The following FBXW11 variants were observed in gnomAD, a reference collection of about 807,000 sequenced individuals.
FBXW11 encodes the protein F-box/WD repeat-containing protein 11.
In FBXW11, 19 loss-of-function variants were observed where a neutral mutation model predicts 77.6. That is an observed-to-expected ratio of 0.24 (90% CI 0.17 to 0.36). The LOEUF is 0.36. FBXW11 is among the 10% of genes least tolerant of loss of function. The pLI, the probability that FBXW11 is intolerant of heterozygous loss-of-function variation, is 1.00. For missense variants in FBXW11, 334 were observed against 704.2 expected, an observed-to-expected ratio of 0.47 and a Z score of 5.95; for synonymous variants, 235 against 249.4, an observed-to-expected ratio of 0.94 and a Z score of 0.54.
intron 7 of FBXW11, among the ~76,000 whole-genome samples, chr5:171,880,431 T>A (rs1345649432): frequency 2.0e-5 from 3 of 152,296 alleles, no homozygotes; most frequent in African/African-American, 7.2e-5. Context: ...CTTGTCCATA[T>A]AAACATTACA....
At chr5:171,937,973 GA>G (rs1282741330) in intron 2 of FBXW11, among the ~76,000 whole-genome samples, 1 of 150,766 alleles carries the variant, frequency 6.6e-6, no homozygotes, top group Admixed American at 6.6e-5. Flanking sequence ...ACAAATAAAA[GA>G]ACTAATATCC....
intron 5 of FBXW11, 73 bp downstream of exon 5, chr5:171,899,841 G>T: frequency 2.3e-6 from 3 of 1,323,084 alleles, no homozygotes; most frequent in South Asian, 1.6e-5. Context: ...AAGTATAATT[G>T]CATTTTTGAG....
chr5:171,990,606 T>C (rs946045977), intron 1 of FBXW11, among the ~76,000 whole-genome samples: 3 of 152,180 alleles, frequency 2.0e-5, no homozygotes, highest in Non-Finnish European at 4.4e-5. Context: ...ACCCAAATTA[T>C]GGCATATTTG....
chr5:171,888,452 C>T (rs1289413425), intron 7 of FBXW11, among the ~76,000 whole-genome samples: 4 of 152,154 alleles, frequency 2.6e-5, no homozygotes, highest in Admixed American at 6.5e-5. Flanking sequence ...CGCAAAGTGG[C>T]ATATTGCAAA....
rs1288602022 is a variant in FBXW11, at chr5:172,006,573, G to GGAGGCGGCA, written c.-80_-72dup. 3.5e-6 allele frequency: 5 copies of GGAGGCGGCA among 1,431,364 alleles called. No homozygotes were observed. Among genetic ancestry groups the GGAGGCGGCA allele is most frequent in the Admixed American group, 2.9e-5 (1 of 34,718 alleles). The allele number at this position is 1,431,364 out of a possible 1,614,324, so 88.7% of individuals were successfully genotyped here. A position where few individuals can be genotyped will look rare whatever the true frequency, so the allele number is the denominator to read the frequency against. ...CGGCCCGGGCGGAGGAGGCGACGGC[G>GGAGGCGGCA]GAGGCGGCAGAGGCGGAGGCGGCTA... is the stretch of plus-strand genomic sequence containing the variant. On this transcript the variant is annotated 5_prime_UTR_variant, in exon 1 of 14. Coordinates refer to ENST00000517395, the MANE Select transcript of FBXW11 (RefSeq NM_001378974.1).
At chr5:172,003,222 A>T (rs888066203) in intron 1 of FBXW11, 1 of 152,202 alleles carries the variant, frequency 6.6e-6, no homozygotes, top group Non-Finnish European at 1.5e-5. Flanking sequence ...AAGTGATAGC[A>T]TCAATTTCTG....
intron 2 of FBXW11, among the ~76,000 whole-genome samples, chr5:171,922,291 C>T (rs1028253220): frequency 2.0e-5 from 3 of 152,136 alleles, no homozygotes; most frequent in Admixed American, 6.5e-5. Context: ...AAATATATTC[C>T]GCCAATTATT....
rs193089018 is a variant in FBXW11, at chr5:171,972,370, G to A, written c.46-14672C>T. On this transcript the variant is annotated intron_variant, in intron 1 of 13. Transcript: ENST00000517395. Reference sequence around the variant, plus strand: ...AAATAAATAAGCCGGGTGTGGTGGCGCACACCTCTGGTCCCAGCTACTAGG... The same window carrying A: ...AAATAAATAAGCCGGGTGTGGTGGCACACACCTCTGGTCCCAGCTACTAGG... Among the ~76,000 whole-genome samples, 15 of 150,642 alleles carry A rather than the reference G, an allele frequency of 1.0e-4. No homozygotes were observed. In the East Asian group the frequency reaches 1.8e-3, roughly 18 times the overall value.
At chr5:171,877,091 A>C (rs1380889264) in intron 8 of FBXW11, among the ~76,000 whole-genome samples, 1 of 152,144 alleles carries the variant, frequency 6.6e-6, no homozygotes, top group Non-Finnish European at 1.5e-5. Context: ...CCCTAAAAGC[A>C]ATTTCTTTAT....
chr5:171,878,122 T>C lies in FBXW11; in HGVS notation c.860A>G (p.Asp287Gly). 1 of 1,612,024 alleles carries C rather than the reference T, an allele frequency of 6.2e-7. No homozygotes were observed. The highest frequency in any genetic ancestry group is 8.5e-7 in the Non-Finnish European group (1 of 1,178,564). ...GLRDNSIKIW[D>G]KTSLECLKVL... is the part of the protein sequence containing the mutation. ...TTTCAAACATTCCAGGCTGGTTTTA[T>C]CCCATATCTATTGAGACAAGATTAG... The change falls in exon 8 of 14, where the codon GAT (aspartate) becomes GGT (glycine). Residue 287 changes from aspartate (D) to glycine (G), a missense_variant. Transcript: ENST00000517395.
At chr5:171,938,364 T>C (rs1762581468) in intron 2 of FBXW11, among the ~76,000 whole-genome samples, 1 of 152,138 alleles carries the variant, frequency 6.6e-6, no homozygotes, top group African/African-American at 2.4e-5. Flanking sequence ...CACCTGGCCA[T>C]AAACAGATTT....
chr5:171,980,139 A>G (rs528978826), intron 1 of FBXW11, among the ~76,000 whole-genome samples: 5 of 152,220 alleles, frequency 3.3e-5, no homozygotes, highest in Non-Finnish European at 7.3e-5. Context: ...AACATAAAGT[A>G]TATTGATTTC....
chr5:171,912,960 A>G (rs554060883), intron 3 of FBXW11, among the ~76,000 whole-genome samples: 1 of 152,156 alleles, frequency 6.6e-6, no homozygotes, highest in Non-Finnish European at 1.5e-5. Context: ...TTATGAAATA[A>G]TATCAAGAAA....
chr5:171,987,201 C>G (rs757448841), intron 1 of FBXW11, among the ~76,000 whole-genome samples: 2 of 152,158 alleles, frequency 1.3e-5, no homozygotes, highest in African/African-American at 4.8e-5. Flanking sequence ...AATGACCTAA[C>G]GGGATAAAGT....
At chr5:171,878,203 T>C (rs1352854130) in intron 7 of FBXW11, 74 bp from the exon 8 acceptor site, 3 of 1,022,586 alleles carry the variant, frequency 2.9e-6, no homozygotes, top group African/African-American at 3.2e-5. Context: ...TCCCACCTTA[T>C]GTTCTGATTA....
intron 1 of FBXW11, among the ~76,000 whole-genome samples, chr5:171,967,164 G>A (rs533681994): frequency 3.7e-4 from 56 of 152,194 alleles, no homozygotes; most frequent in African/African-American, 1.3e-3. Flanking sequence ...ATGCAACTCT[G>A]CAATACATAG....
At chr5:171,874,410 A>G (rs1412341015) in intron 9 of FBXW11, among the ~76,000 whole-genome samples, 1 of 152,212 alleles carries the variant, frequency 6.6e-6, no homozygotes, top group African/African-American at 2.4e-5. Flanking sequence ...ATATTATGAA[A>G]CAGCTATTTT....
intron 2 of FBXW11, among the ~76,000 whole-genome samples, chr5:171,943,546 C>T (rs1010819400): frequency 1.3e-5 from 2 of 152,164 alleles, no homozygotes; most frequent in Non-Finnish European, 2.9e-5. Context: ...GCAATCTCCA[C>T]CTCCCAGGTT....
intron 13 of FBXW11, among the ~76,000 whole-genome samples, chr5:171,866,695 C>T (rs1308384005): frequency 1.3e-5 from 2 of 152,186 alleles, no homozygotes; most frequent in African/African-American, 4.8e-5. Context: ...CCATATGCCT[C>T]TTTAAGCAGT....
Sources: allele counts gnomAD v4.1 joint callset (sites outside exome capture counted in the v4.1 genomes callset), GRCh38; gene constraint gnomAD v4.1.1; transcripts MANE v1.5; gene names NCBI Gene and HGNC (gene_info 2026-07-23, HGNC 2026-07-21).